RADIL: variants seen among roughly 807,000 people sequenced by gnomAD.
The protein encoded by RADIL is Rap associating with DIL domain, also known as ras-associating and dilute domain-containing protein.
In RADIL, 99 loss-of-function variants were observed where a neutral mutation model predicts 97.6. The observed-to-expected ratio is 1.01, with a 90% CI of 0.86 to 1.20. The LOEUF is 1.20. Among genes scored for constraint, RADIL ranks in the 50% most tolerant of loss-of-function variants. The pLI is 0.00. For synonymous variants in RADIL, 803 were observed against 691.8 expected, an observed-to-expected ratio of 1.16 and a Z score of -2.52; for missense variants, 1,765 against 1,498.9, an observed-to-expected ratio of 1.18 and a Z score of -2.93.
rs1193901341 is a variant in RADIL, at chr7:4,803,710, G to A, written c.2335C>T (p.Pro779Ser). The A allele has an allele frequency of 3.8e-6, 6 of 1,567,900 alleles. No individual in the cohort carries two copies. Among genetic ancestry groups the A allele is most frequent in the Non-Finnish European group, 4.3e-6 (5 of 1,157,092 alleles). ...AAGTCCACCTGGAAGCCGTCGCTGG[G>A]CAGGACGATGGGTGGGGGGTTTTCG... ...SYENPPPIVL[P>S]SDGFQVDLEA... The change falls in exon 11 of 15, where the codon CCC becomes TCC. Residue 779 changes from proline to serine, a missense_variant. Coordinates refer to ENST00000399583, the MANE Select transcript of RADIL (RefSeq NM_018059.5).
chr7:4,863,274 A>C (rs1406339227), intron 2 of RADIL, among the ~76,000 whole-genome samples: 1 of 152,120 alleles, frequency 6.6e-6, no homozygotes, highest in Non-Finnish European at 1.5e-5. Context: ...CTGTTCTTTC[A>C]TGTTTTTCCC....
intron 2 of RADIL, chr7:4,865,773 CT>C: frequency 9.7e-7 from 1 of 1,027,698 alleles, no homozygotes; most frequent in Non-Finnish European, 1.5e-6. Flanking sequence ...TTTTGCCCCC[CT>C]TCACCACAAG....
chr7:4,863,939 T>C (rs1174064316), intron 2 of RADIL, among the ~76,000 whole-genome samples: 1 of 152,220 alleles, frequency 6.6e-6, no homozygotes, highest in East Asian at 1.9e-4. Flanking sequence ...GGTTTCAAGG[T>C]ATCCCTTTTT....
In RADIL at chr7:4,834,587, G is replaced by C; in HGVS notation, c.1416+20C>G. On this transcript the variant is annotated intron_variant, in intron 4 of 14. Transcript: ENST00000399583. The surrounding 1 kb of genome is among the most constrained non-coding windows in gnomAD (Gnocchi z 6.0). The stretch of plus-strand genomic sequence containing the variant: ...CCCAGACCGGCACAGGACCCAGACC[G>C]CCCACCCCAGCACACTGACCCAGAC... 2.3e-6 allele frequency: 3 copies of C among 1,316,136 alleles called. No individual in the cohort carries two copies. Among genetic ancestry groups the C allele is most frequent in the Non-Finnish European group, 2.9e-6 (3 of 1,026,724 alleles). The allele number at this position is 1,316,136 out of a possible 1,614,324, so 81.5% of individuals were successfully genotyped here. A position where few individuals can be genotyped will look rare whatever the true frequency, so the allele number is the denominator to read the frequency against.
At chr7:4,830,337 T>C (rs55975932) in intron 5 of RADIL, among the ~76,000 whole-genome samples, 2,180 of 151,506 alleles carry the variant, frequency 0.014, 21 homozygotes, top group Middle Eastern at 0.037. Context: ...CACTCGAGAG[T>C]GGGAGCGTAG....
At chr7:4,806,878 G>A (rs1782326728) in intron 9 of RADIL, among the ~76,000 whole-genome samples, 2 of 152,184 alleles carry the variant, frequency 1.3e-5, no homozygotes, top group South Asian at 2.1e-4. Flanking sequence ...AAAGCAACCT[G>A]AGTGCAAATC....
intron 2 of RADIL, among the ~76,000 whole-genome samples, chr7:4,866,713 G>T (rs1784138883): frequency 6.6e-6 from 1 of 152,200 alleles, no homozygotes; most frequent in African/African-American, 2.4e-5. Context: ...GTCAGTGAGG[G>T]GTGAGGAGAG....
chr7:4,871,373 G>C (rs930466355), intron 2 of RADIL, among the ~76,000 whole-genome samples: 2 of 152,208 alleles, frequency 1.3e-5, no homozygotes, highest in African/African-American at 4.8e-5. Flanking sequence ...GCACCCCGTC[G>C]GCAGAGGAAG....
At chr7:4,809,089 C>T (rs1446595083) in intron 9 of RADIL, 12 of 984,408 alleles carry the variant, frequency 1.2e-5, no homozygotes, top group Middle Eastern at 5.2e-4. Context: ...CTCCTGTAGA[C>T]GCTCTGCTCA....
At chr7:4,861,862 G>GACCTTC in intron 2 of RADIL, 2 of 1,279,252 alleles carry the variant, frequency 1.6e-6, no homozygotes, top group Non-Finnish European at 2.1e-6. Flanking sequence ...CGACCTTCGC[G>GACCTTC]GCCGCCGCCC....
chr7:4,868,635 C>T (rs1005370303), intron 2 of RADIL, among the ~76,000 whole-genome samples: 1 of 152,192 alleles, frequency 6.6e-6, no homozygotes, highest in East Asian at 1.9e-4. Context: ...TTGCCGTTTT[C>T]TTGCTGATCT....
chr7:4,874,622 C>T (rs747144036), intron 2 of RADIL, among the ~76,000 whole-genome samples: 1 of 152,212 alleles, frequency 6.6e-6, no homozygotes, highest in Non-Finnish European at 1.5e-5. Context: ...CTGCTCCAGC[C>T]CAGATGAGTG....
intron 5 of RADIL, among the ~76,000 whole-genome samples, chr7:4,829,787 T>C (rs1489335974): frequency 6.6e-6 from 1 of 152,196 alleles, no homozygotes; most frequent in Non-Finnish European, 1.5e-5. Flanking sequence ...CCATGTAAGA[T>C]GTGCCCTTGT....
At position 4,860,534 on chromosome 7, in the gene RADIL, T is replaced by C. The variant is rs6964535; in HGVS notation, c.535+17071A>G. ...AAATTCTTCCATATCAGGATTTTCT[T>C]TGGGTGCTGGAAATGACTGTGGATT... On this transcript the variant is annotated intron_variant, in intron 2 of 14. Transcript: ENST00000399583. 8,699 of 1,614,202 alleles carry C rather than the reference T, an allele frequency of 5.4e-3. 375 individuals carry two copies. In the African/African-American group the frequency reaches 0.1, roughly 19 times the overall value.
intron 9 of RADIL, among the ~76,000 whole-genome samples, chr7:4,812,244 A>G (rs1782567113): frequency 6.6e-6 from 1 of 152,170 alleles, no homozygotes; most frequent in South Asian, 2.1e-4. Flanking sequence ...ATCAGTTTCA[A>G]TAAGTATTCT....
In RADIL at chr7:4,879,903, C is replaced by T. The variant is rs1471154881; in HGVS notation, c.-64-1700G>A. Among the ~76,000 whole-genome samples the T allele has an allele frequency of 1.3e-5, 2 of 152,196 alleles. No homozygotes were observed. Among genetic ancestry groups the T allele is most frequent in the Non-Finnish European group, 2.9e-5 (2 of 68,038 alleles). On this transcript the variant is annotated intron_variant, in intron 1 of 14. Transcript: ENST00000399583. This position sits in a 1 kb window ranked among gnomAD's most constrained non-coding sequence, Gnocchi z 4.1. ...TGAGTCCTGAAATCAGACCACCACTCGCTTCCTCCAGAACCAGCCCAGGTC... is the reference window on the plus strand; with the variant it reads ...TGAGTCCTGAAATCAGACCACCACTTGCTTCCTCCAGAACCAGCCCAGGTC...
chr7:4,830,721 T>C (rs1583289741), intron 5 of RADIL, among the ~76,000 whole-genome samples: 1 of 151,416 alleles, frequency 6.6e-6, no homozygotes, highest in East Asian at 2.0e-4. Context: ...CTACTAAAAA[T>C]ACAAAATTAG....
At chr7:4,874,773 C>T (rs780819669) in intron 2 of RADIL, among the ~76,000 whole-genome samples, 1 of 149,142 alleles carries the variant, frequency 6.7e-6, no homozygotes, top group Non-Finnish European at 1.5e-5. Flanking sequence ...AGTGCATGAG[C>T]TTGGCCGGGT....
chr7:4,855,980 G>A (rs945696508), intron 2 of RADIL, among the ~76,000 whole-genome samples: 2 of 151,992 alleles, frequency 1.3e-5, no homozygotes, highest in African/African-American at 4.8e-5. Context: ...ATTTTTAGTA[G>A]AGAAAAATAC....
Sources: gnomAD v4.1 joint callset for allele counts (sites outside exome capture counted in the v4.1 genomes callset) on GRCh38, gnomAD v4.1.1 for gene constraint, Gnocchi (gnomAD v3.1) non-coding constraint, MANE v1.5 for transcripts, NCBI Gene and HGNC (gene_info 2026-07-23, HGNC 2026-07-21) for gene names.